TMEM181: variants seen among roughly 807,000 people sequenced by gnomAD.
The protein encoded by TMEM181 is G protein-coupled receptor 178.
Under a neutral mutation model 71.9 loss-of-function variants are expected in TMEM181, and 39 were observed. The observed-to-expected ratio is 0.54, with a 90% confidence interval of 0.42 to 0.71. The LOEUF (loss-of-function observed/expected upper bound fraction) is 0.71. TMEM181 is among the 30% of genes least tolerant of loss of function. The probability of loss-of-function intolerance (pLI) is 0.00; values close to 1 mark genes in which losing one functional copy is unlikely to be tolerated. For synonymous variants in TMEM181, 245 were observed against 228.8 expected, an observed-to-expected ratio of 1.07 and a Z score of -0.64; for missense variants, 595 against 583.0, an observed-to-expected ratio of 1.02 and a Z score of -0.21.
At chr6:158,629,394 G>A (rs550556601) in intron 14 of TMEM181, among the ~76,000 whole-genome samples, 8 of 152,160 alleles carry the variant, frequency 5.3e-5, no homozygotes, top group Admixed American at 1.3e-4. Context: ...CCGTATGCCC[G>A]TGGCCTTCCT....
chr6:158,615,389 T>G (rs933657772), intron 10 of TMEM181, among the ~76,000 whole-genome samples: 18 of 152,248 alleles, frequency 1.2e-4, no homozygotes, highest in African/African-American at 3.9e-4. Flanking sequence ...TATTAGCCCT[T>G]TATCAGATGA....
rs555406884 is a variant in TMEM181, at chr6:158,583,713, T to C, written c.169-241T>C. Among the ~76,000 whole-genome samples the C allele has an allele frequency of 7.5e-4, 114 of 152,208 alleles. 1 individual carries two copies. Among genetic ancestry groups the C allele is most frequent in the Admixed American group, 1.3e-3 (20 of 15,298 alleles). ...TACTCGGGAGGCTGAGGCAGGAGAA[T>C]GGCGTGAACCCAGGAGGCAGAGCTT... On this transcript the variant is annotated intron_variant, in intron 3 of 16. Transcript: ENST00000684151.
intron 10 of TMEM181, chr6:158,611,185 C>G (rs1785282854): frequency 1.9e-6 from 1 of 524,974 alleles, no homozygotes; most frequent in Non-Finnish European, 3.9e-6. Flanking sequence ...CTGGCACTGT[C>G]TTGTCCTTCT....
chr6:158,613,409 A>G (rs1352934749), intron 10 of TMEM181, among the ~76,000 whole-genome samples: 1 of 152,226 alleles, frequency 6.6e-6, no homozygotes. Flanking sequence ...ACTTTTTTCC[A>G]TAGAAGGAAT....
chr6:158,585,964 G>A (rs1783746016), intron 5 of TMEM181, among the ~76,000 whole-genome samples: 1 of 152,196 alleles, frequency 6.6e-6, no homozygotes, highest in African/African-American at 2.4e-5. Flanking sequence ...AACTGGGACT[G>A]CAAGCGTATG....
At chr6:158,597,441 T>C (rs1364660046) in intron 6 of TMEM181, among the ~76,000 whole-genome samples, 2 of 152,102 alleles carry the variant, frequency 1.3e-5, no homozygotes, top group Non-Finnish European at 2.9e-5. Context: ...TGCTGTATCC[T>C]CTGGAAAGGA....
chr6:158,617,148 C>T (rs571026292), intron 10 of TMEM181, among the ~76,000 whole-genome samples: 2 of 152,278 alleles, frequency 1.3e-5, no homozygotes, highest in Admixed American at 1.3e-4. Context: ...TTAATTATTG[C>T]CTCAATTTCA....
At chr6:158,541,104 C>T (rs1190554909) in intron 1 of TMEM181, among the ~76,000 whole-genome samples, 2 of 151,980 alleles carry the variant, frequency 1.3e-5, no homozygotes, top group Non-Finnish European at 2.9e-5. Flanking sequence ...GATGGAGAGC[C>T]ATGAGGGGTG....
At chr6:158,605,876 C>A (rs906470010) in intron 7 of TMEM181, among the ~76,000 whole-genome samples, 1 of 148,810 alleles carries the variant, frequency 6.7e-6, no homozygotes, top group Non-Finnish European at 1.5e-5. Flanking sequence ...GGAGCCCCCC[C>A]AGAGCCCCAG....
intron 1 of TMEM181, among the ~76,000 whole-genome samples, chr6:158,537,109 C>G (rs1338829021): frequency 6.6e-6 from 1 of 151,956 alleles, no homozygotes; most frequent in Admixed American, 6.6e-5. Flanking sequence ...CCGGCGCCCC[C>G]GGGCGAAGGG....
At chr6:158,605,999 G>T (rs1784928145) in intron 7 of TMEM181, among the ~76,000 whole-genome samples, 1 of 152,220 alleles carries the variant, frequency 6.6e-6, no homozygotes, top group Non-Finnish European at 1.5e-5. Flanking sequence ...GTCCTTGTGC[G>T]GGATGGTGGG....
At chr6:158,574,778 TC>T (rs1420250522) in intron 2 of TMEM181, among the ~76,000 whole-genome samples, 1 of 152,208 alleles carries the variant, frequency 6.6e-6, no homozygotes, top group Non-Finnish European at 1.5e-5. Flanking sequence ...TGTCTGTCTG[TC>T]CTGCCTGTCT....
rs368944264 is a variant in TMEM181, at chr6:158,545,107, C to T, written c.131+8242C>T. 2.7e-3 allele frequency among the ~76,000 whole-genome samples: 412 copies of T among 152,342 alleles called. 6 individuals carry two copies. The highest frequency in any genetic ancestry group is 9.1e-3 in the African/African-American group (379 of 41,586). On this transcript the variant is annotated intron_variant, in intron 1 of 16. Coordinates refer to the TMEM181 transcript ENST00000367090. ...CAGCTCTCCAGGCCCCGTTCCCCTG[C>T]GGCTTGCTCAGCCGTGGGCTGCAGG...
In TMEM181 at chr6:158,623,460, T is replaced by TA. The variant is rs904088855; in HGVS notation, c.897-82dup. ...GTAGGAAGTAGTTTATATTAATAAGTAAAAAAAACAAAAAGTCAATAAGAA... is the reference window on the plus strand; with the variant it reads ...GTAGGAAGTAGTTTATATTAATAAGTAAAAAAAAACAAAAAGTCAATAAGAA... On this transcript the variant is annotated intron_variant, in intron 10 of 16. Coordinates refer to ENST00000684151, the MANE Select transcript of TMEM181 (RefSeq NM_001376852.1). The TA allele has an allele frequency of 3.0e-4, 263 of 886,098 alleles. 1 individual carries two copies. Among genetic ancestry groups the TA allele is most frequent in the African/African-American group, 6.5e-4 (37 of 57,316 alleles). The allele number at this position is 886,098 out of a possible 1,614,324, so 54.9% of individuals were successfully genotyped here. A position where few individuals can be genotyped will look rare whatever the true frequency, so the allele number is the denominator to read the frequency against.
chr6:158,598,100 T>A (rs1273038763), intron 6 of TMEM181, among the ~76,000 whole-genome samples: 8 of 152,214 alleles, frequency 5.3e-5, no homozygotes, highest in Non-Finnish European at 1.2e-4. Flanking sequence ...CCTCCTGTGT[T>A]TTTTAAAAAG....
chr6:158,628,618 GTC>G (rs1365074472), intron 14 of TMEM181, 128 bp downstream of exon 14: 6 of 762,038 alleles, frequency 7.9e-6, no homozygotes, highest in Non-Finnish European at 1.3e-5. Flanking sequence ...CGGAGGCCTC[GTC>G]TCTGCTGAGA....
At chr6:158,611,984 C>G (rs79923530) in intron 10 of TMEM181, among the ~76,000 whole-genome samples, 1 of 151,552 alleles carries the variant, frequency 6.6e-6, no homozygotes, top group Non-Finnish European at 1.5e-5. Context: ...ATACCCCCCC[C>G]ACCTCCTAGT....
intron 5 of TMEM181, among the ~76,000 whole-genome samples, chr6:158,589,387 C>T (rs1355538154): frequency 3.9e-5 from 6 of 152,174 alleles, no homozygotes; most frequent in Non-Finnish European, 7.3e-5. Context: ...GTCAGGCTTG[C>T]GTTGCACTGT....
intron 1 of TMEM181, among the ~76,000 whole-genome samples, chr6:158,545,411 G>T (rs766676108): frequency 6.6e-6 from 1 of 152,252 alleles, no homozygotes; most frequent in South Asian, 2.1e-4. Flanking sequence ...CTGGAGCAGC[G>T]CTTGTTTTGC....
Sources: allele counts gnomAD v4.1 joint callset (sites outside exome capture counted in the v4.1 genomes callset), GRCh38; gene constraint gnomAD v4.1.1; transcripts MANE v1.5; gene names NCBI Gene and HGNC (gene_info 2026-07-23, HGNC 2026-07-21).